The following RARB variants were observed in gnomAD, a reference collection of about 807,000 sequenced individuals.
The protein encoded by RARB is retinoic acid receptor beta.
In RARB, 17 loss-of-function variants were observed where a neutral mutation model predicts 51.9. The ratio of observed to expected loss-of-function variants is 0.33; its 90% CI spans 0.22 to 0.49. RARB has a LOEUF of 0.49. RARB is among the 20% of genes least tolerant of loss of function. RARB has a pLI of 0.99. For missense variants in RARB, 369 were observed against 550.8 expected (o/e 0.67, Z 3.30); for synonymous variants, 215 against 195.4 (o/e 1.10, Z -0.84).
chr3:25,098,385 C>T (rs981060226), intron 3 of RARB, among the ~76,000 whole-genome samples: 1 of 152,128 alleles, frequency 6.6e-6, no homozygotes, highest in Non-Finnish European at 1.5e-5. Flanking sequence ...CTCTATCGTG[C>T]TGTATTATTC....
At chr3:25,132,126 G>T (rs1402983741) in intron 3 of RARB, among the ~76,000 whole-genome samples, 1 of 151,952 alleles carries the variant, frequency 6.6e-6, no homozygotes, top group Non-Finnish European at 1.5e-5. Flanking sequence ...CCTAAGCGAT[G>T]ATCTAATCCC....
chr3:24,924,496 G>A (rs1473372286), intron 2 of RARB, among the ~76,000 whole-genome samples: 2 of 152,128 alleles, frequency 1.3e-5, no homozygotes, highest in Admixed American at 1.3e-4. Flanking sequence ...TGGGTAATGT[G>A]AGATGAAGTA....
chr3:25,266,934 T>C (rs1405704219), intron 5 of RARB, among the ~76,000 whole-genome samples: 2 of 152,226 alleles, frequency 1.3e-5, no homozygotes, highest in African/African-American at 4.8e-5. Context: ...GCCCCCAGGC[T>C]ATGCTATCTT....
intron 2 of RARB, among the ~76,000 whole-genome samples, chr3:24,879,586 G>T (rs1444544324): frequency 6.6e-6 from 1 of 150,880 alleles, no homozygotes; most frequent in African/African-American, 2.4e-5. Context: ...CACTCTGGGA[G>T]GCCAAGTGGG....
At chr3:25,567,858 C>G (rs1007501818) in intron 3 of RARB, among the ~76,000 whole-genome samples, 1 of 152,184 alleles carries the variant, frequency 6.6e-6, no homozygotes, top group African/African-American at 2.4e-5. Flanking sequence ...CGCACTCACA[C>G]ACAAGCCTTC....
chr3:25,182,177 T>C (rs916274600), intron 5 of RARB, among the ~76,000 whole-genome samples: 1 of 152,170 alleles, frequency 6.6e-6, no homozygotes, highest in Admixed American at 6.5e-5. Context: ...GGGTTGAGAA[T>C]CTTTGGAATG....
intron 5 of RARB, among the ~76,000 whole-genome samples, chr3:25,303,439 C>T (rs1414188580): frequency 6.6e-6 from 1 of 152,116 alleles, no homozygotes; most frequent in Non-Finnish European, 1.5e-5. Flanking sequence ...GCTGAGCTCC[C>T]ATTAATTTTT....
chr3:25,384,475 T>C (rs555769983), intron 5 of RARB, among the ~76,000 whole-genome samples: 2 of 152,338 alleles, frequency 1.3e-5, no homozygotes, highest in East Asian at 3.9e-4. Context: ...CTCCTATCTT[T>C]AAAATGAAAA....
chr3:25,353,568 G>C (rs1355327210), intron 5 of RARB, among the ~76,000 whole-genome samples: 5 of 137,858 alleles, frequency 3.6e-5, no homozygotes, highest in East Asian at 4.5e-4. Flanking sequence ...TCTTTTGTGG[G>C]AAAACTGCTG....
chr3:25,427,271 G>A (rs1708020749), upstream of RARB, among the ~76,000 whole-genome samples: 1 of 152,116 alleles, frequency 6.6e-6, no homozygotes, highest in Admixed American at 6.5e-5. Flanking sequence ...GTATGAGGAT[G>A]AGTCACAGCT....
At chr3:24,884,720 A>G (rs2125359312) in intron 2 of RARB, among the ~76,000 whole-genome samples, 1 of 152,292 alleles carries the variant, frequency 6.6e-6, no homozygotes, top group East Asian at 1.9e-4. Flanking sequence ...GTTAAATACC[A>G]TTGAGTGGAA....
At chr3:25,288,535 C>G (rs1363826153) in intron 5 of RARB, among the ~76,000 whole-genome samples, 1 of 152,114 alleles carries the variant, frequency 6.6e-6, no homozygotes, top group Non-Finnish European at 1.5e-5. Flanking sequence ...CCCATGAGCC[C>G]AGGACACTAT....
chr3:25,309,551 G>A (rs1704239012), intron 5 of RARB, among the ~76,000 whole-genome samples: 2 of 135,856 alleles, frequency 1.5e-5, no homozygotes, highest in Admixed American at 1.6e-4. Flanking sequence ...AGGCTGGAGT[G>A]CAGTGGTGTG....
At chr3:25,148,993 G>A (rs993760512) in intron 4 of RARB, among the ~76,000 whole-genome samples, 3 of 152,080 alleles carry the variant, frequency 2.0e-5, no homozygotes, top group Non-Finnish European at 4.4e-5. Flanking sequence ...TATGAGATAA[G>A]TAAAGAACTA....
chr3:24,942,004 C>G (rs183935706), intron 2 of RARB, among the ~76,000 whole-genome samples: 2 of 152,328 alleles, frequency 1.3e-5, no homozygotes, highest in East Asian at 3.9e-4. Context: ...GAAGTAGTTT[C>G]CACAGCACAG....
intron 1 of RARB, among the ~76,000 whole-genome samples, chr3:25,432,657 A>C (rs1315880255): frequency 2.6e-5 from 4 of 152,196 alleles, no homozygotes; most frequent in Admixed American, 2.6e-4. Context: ...TACCTTCGAC[A>C]TATGTTAAGC....
At chr3:24,992,010 A>G (rs904038626) in intron 2 of RARB, among the ~76,000 whole-genome samples, 11 of 152,038 alleles carry the variant, frequency 7.2e-5, no homozygotes, top group African/African-American at 2.7e-4. Context: ...TTGCCTGGGT[A>G]GTCTGTTTGG....
chr3:25,268,986 A>G (rs962371128), intron 5 of RARB, among the ~76,000 whole-genome samples: 1 of 152,210 alleles, frequency 6.6e-6, no homozygotes, highest in African/African-American at 2.4e-5. Context: ...TATGCACTCA[A>G]TAAAGATTTG....
intron 2 of RARB, among the ~76,000 whole-genome samples, chr3:24,914,400 T>C (rs1302558181): frequency 1.3e-5 from 2 of 152,116 alleles, no homozygotes; most frequent in Non-Finnish European, 2.9e-5. Context: ...AGGTATGCCC[T>C]CTCAGATAGG....
Sources: allele counts gnomAD v4.1 joint callset (sites outside exome capture counted in the v4.1 genomes callset), GRCh38; gene constraint gnomAD v4.1.1; transcripts MANE v1.5; gene names NCBI Gene and HGNC (gene_info 2026-07-23, HGNC 2026-07-21).